The following OSBPL3 variants were observed in gnomAD, a reference collection of about 807,000 sequenced individuals.
OSBPL3 encodes oxysterol-binding protein-related protein 3.
A neutral mutation model predicts 120.1 loss-of-function variants in OSBPL3; 65 were observed. The observed-to-expected ratio is 0.54, with a 90% CI of 0.44 to 0.67. The LOEUF (loss-of-function observed/expected upper bound fraction) is 0.67, where lower values mean the gene tolerates loss of function less well. Ranked by LOEUF, OSBPL3 falls within the 30% of genes least tolerant of loss-of-function variation. OSBPL3 has a pLI of 0.00. For synonymous variants in OSBPL3, 416 were observed against 402.6 expected (o/e 1.03, Z -0.40); for missense variants, 1,004 against 1,082.1 (o/e 0.93, Z 1.01).
At chr7:24,921,451 T>C (rs1211711889) in intron 1 of OSBPL3, among the ~76,000 whole-genome samples, 1 of 152,214 alleles carries the variant, frequency 6.6e-6, no homozygotes, top group Non-Finnish European at 1.5e-5. Context: ...TTGACACTAC[T>C]CAAAACACAT....
At chr7:24,812,201 G>A (rs1186668888) in intron 19 of OSBPL3, among the ~76,000 whole-genome samples, 3 of 151,724 alleles carry the variant, frequency 2.0e-5, no homozygotes, top group Non-Finnish European at 4.4e-5. Flanking sequence ...CAGCTACTTG[G>A]GAGGCTGAGG....
At chr7:24,857,546 C>T (rs971040367) in intron 10 of OSBPL3, among the ~76,000 whole-genome samples, 1 of 152,150 alleles carries the variant, frequency 6.6e-6, no homozygotes, top group Non-Finnish European at 1.5e-5. Context: ...AACTACTATA[C>T]GACATTTAAC....
At position 24,947,746 on chromosome 7, in the gene OSBPL3, T is replaced by C. The variant is rs375326574; in HGVS notation, c.-150+32140A>G. 1.5e-3 allele frequency among the ~76,000 whole-genome samples: 232 copies of C among 149,962 alleles called. 5 individuals are homozygous for C. The South Asian group carries it at 0.047, about 31-fold the overall frequency. ...TCTGAACACAAGTAATATATGCATG[T>C]GTATATATGTATACATACATATCCA... On this transcript the variant is annotated intron_variant, in intron 1 of 22. Transcript: ENST00000313367. The surrounding 1 kb of genome is among the most constrained non-coding windows in gnomAD (Gnocchi z 4.4).
chr7:24,796,612 G>A lies in OSBPL3; in HGVS notation c.*3571C>T, dbSNP rs535191521. The A allele has an allele frequency of 6.6e-6, 1 of 152,198 alleles. No individual in the cohort carries two copies. The highest frequency in any genetic ancestry group is 2.1e-4 in the South Asian group (1 of 4,814). 9.4% of individuals were successfully genotyped at this position (152,198 alleles called of 1,614,324 possible). ...ATAAGCAAATTAATAGGAGCTTTTT[G>A]GGGAGGCAGAGGTATGGATGGAAGG... On this transcript the variant is annotated 3_prime_UTR_variant, in exon 23 of 23. Coordinates refer to ENST00000313367, the MANE Select transcript of OSBPL3 (RefSeq NM_015550.4). The surrounding 1 kb of genome is among the most constrained non-coding windows in gnomAD (Gnocchi z 5.2).
At chr7:24,865,658 T>C (rs1360107514) in intron 6 of OSBPL3, among the ~76,000 whole-genome samples, 193 bp from the exon 7 acceptor site, 1 of 152,230 alleles carries the variant, frequency 6.6e-6, no homozygotes, top group African/African-American at 2.4e-5. Flanking sequence ...TGATACGACA[T>C]GCCTTGAATG....
rs966557596 is a variant in OSBPL3 at position 24,900,798 on chromosome 7, A to G, written c.-149-8177T>C. On this transcript the variant is annotated intron_variant, in intron 1 of 22. Coordinates refer to ENST00000313367, the MANE Select transcript of OSBPL3 (RefSeq NM_015550.4). This position sits in a 1 kb window ranked among gnomAD's most constrained non-coding sequence, Gnocchi z 4.5. ...GCCTGGGCAACAAGGCGAAACCCCC[A>G]TCTTTACAAAAAATATTAGGTTGGT... is the stretch of plus-strand genomic sequence containing the variant. Among the ~76,000 whole-genome samples, 1 of 152,010 alleles carries G rather than the reference A, an allele frequency of 6.6e-6. No homozygotes were observed. Among genetic ancestry groups the G allele is most frequent in the African/African-American group, 2.4e-5 (1 of 41,412 alleles).
In OSBPL3 at chr7:24,855,593, T is replaced by C. The variant is rs1345175910; in HGVS notation, c.1028-2959A>G. ...TTCTTAAATGACTATCAGGGCCCAC[T>C]CAGGACATTAAAATAGTCATTCACA... On this transcript the variant is annotated intron_variant, in intron 10 of 22. Coordinates refer to ENST00000313367, the MANE Select transcript of OSBPL3 (RefSeq NM_015550.4). This position sits in a 1 kb window ranked among gnomAD's most constrained non-coding sequence, Gnocchi z 4.3. 3.9e-5 allele frequency among the ~76,000 whole-genome samples: 6 copies of C among 152,080 alleles called. No homozygotes were observed. The highest frequency in any genetic ancestry group is 5.9e-5 in the Non-Finnish European group (4 of 68,018).
At position 24,871,896 on chromosome 7, in the gene OSBPL3, A is replaced by T. The variant is rs1584456920; in HGVS notation, c.213+57T>A. 6.1e-6 allele frequency: 9 copies of T among 1,470,544 alleles called. No individual in the cohort carries two copies. In the Admixed American group the frequency reaches 8.4e-5, roughly 14 times the overall value. The allele number at this position is 1,470,544 out of a possible 1,614,324, so 91.1% of individuals were successfully genotyped here. A position where few individuals can be genotyped will look rare whatever the true frequency, so the allele number is the denominator to read the frequency against. ...AATTAAATATGAGTACCTAAGAACC[A>T]GGTGCTGAGTGGGGCAGTGTGAGTG... On this transcript the variant is annotated intron_variant, in intron 3 of 22. Coordinates refer to ENST00000313367, the MANE Select transcript of OSBPL3 (RefSeq NM_015550.4). This position sits in a 1 kb window ranked among gnomAD's most constrained non-coding sequence, Gnocchi z 4.8.
rs183550279 is a variant in OSBPL3 at position 24,947,938 on chromosome 7, A to C, written c.-150+31948T>G. On this transcript the variant is annotated intron_variant, in intron 1 of 22. Coordinates refer to ENST00000313367, the MANE Select transcript of OSBPL3 (RefSeq NM_015550.4). This position sits in a 1 kb window ranked among gnomAD's most constrained non-coding sequence, Gnocchi z 4.4. ...GTGTGCCAAAGATGCAAGAGATTAT[A>C]TCACAGATTAAGCTTTAAGAATGAT... 6.6e-6 allele frequency among the ~76,000 whole-genome samples: 1 copy of C among 152,320 alleles called. No individual in the cohort carries two copies.
chr7:24,928,188 C>CTT (rs1413408297), intron 1 of OSBPL3, among the ~76,000 whole-genome samples: 18 of 120,806 alleles, frequency 1.5e-4, no homozygotes, highest in South Asian at 2.7e-4. Context: ...TTAAACCTTC[C>CTT]TTTTTGTTTT....
At chr7:24,889,026 G>T (rs1804936463) in intron 2 of OSBPL3, among the ~76,000 whole-genome samples, 1 of 152,166 alleles carries the variant, frequency 6.6e-6, no homozygotes, top group East Asian at 1.9e-4. Context: ...TATACAAAAT[G>T]CCACCCTCAC....
intron 2 of OSBPL3, among the ~76,000 whole-genome samples, chr7:24,876,996 GGATTT>G (rs1482306184): frequency 1.3e-5 from 2 of 152,046 alleles, no homozygotes; most frequent in East Asian, 1.9e-4. Flanking sequence ...CTTTGAGATT[GGATTT>G]ATTAGTATTC....
chr7:24,895,304 C>T (rs1805975171), intron 1 of OSBPL3, among the ~76,000 whole-genome samples: 2 of 152,214 alleles, frequency 1.3e-5, no homozygotes, highest in African/African-American at 4.8e-5. Flanking sequence ...TTTAGTTACA[C>T]AAGTCCTTAC....
intron 10 of OSBPL3, among the ~76,000 whole-genome samples, chr7:24,857,562 A>G (rs1357645766): frequency 6.6e-6 from 1 of 152,266 alleles, no homozygotes; most frequent in Non-Finnish European, 1.5e-5. Context: ...TTAACAGGCT[A>G]TCAAGGGCCA....
intron 10 of OSBPL3, among the ~76,000 whole-genome samples, chr7:24,859,958 T>C (rs116572898): frequency 0.021 from 3,149 of 152,284 alleles, 43 homozygotes; most frequent in Middle Eastern, 0.044. Context: ...TTACAGGTAA[T>C]TGCAAAATAG....
rs1562770031 is a variant in OSBPL3, at chr7:24,817,758, CG to C, written c.1949-1071del. 6.6e-6 allele frequency among the ~76,000 whole-genome samples: 1 copy of C among 152,072 alleles called. No homozygotes were observed. The highest frequency in any genetic ancestry group is 1.5e-5 in the Non-Finnish European group (1 of 68,018). Reference sequence around the variant, plus strand: ...ATGAAGGGAACCAAGACAACAGACGCGGGGAAGTGAGTGAGCCCAGAAATAC... The same window carrying C: ...ATGAAGGGAACCAAGACAACAGACGCGGGAAGTGAGTGAGCCCAGAAATAC... On this transcript the variant is annotated intron_variant, in intron 17 of 22. Coordinates refer to ENST00000313367, the MANE Select transcript of OSBPL3 (RefSeq NM_015550.4). This position sits in a 1 kb window ranked among gnomAD's most constrained non-coding sequence, Gnocchi z 4.0.
At chr7:24,923,222 A>T (rs939452249) in intron 1 of OSBPL3, among the ~76,000 whole-genome samples, 1 of 152,190 alleles carries the variant, frequency 6.6e-6, no homozygotes, top group African/African-American at 2.4e-5. Context: ...TACAGAGTGG[A>T]GCTCCTCAGG....
chr7:24,911,944 G>A (rs1808883409), intron 1 of OSBPL3, among the ~76,000 whole-genome samples: 1 of 152,186 alleles, frequency 6.6e-6, no homozygotes. Flanking sequence ...AAACCTAAAA[G>A]CACCTCTGTT....
chr7:24,950,298 G>T (rs537234357), intron 1 of OSBPL3, among the ~76,000 whole-genome samples: 1 of 152,102 alleles, frequency 6.6e-6, no homozygotes, highest in South Asian at 2.1e-4. Context: ...CTAGAGAATC[G>T]AAATGCCTGT....
Sources: gnomAD v4.1 joint callset for allele counts (sites outside exome capture counted in the v4.1 genomes callset) on GRCh38, gnomAD v4.1.1 for gene constraint, Gnocchi (gnomAD v3.1) non-coding constraint, MANE v1.5 for transcripts, NCBI Gene and HGNC (gene_info 2026-07-23, HGNC 2026-07-21) for gene names.